Variants in UGT2B7 observed in about 807,000 individuals in gnomAD.
UGT2B7 encodes UDP-glucuronosyltransferase 2B7.
Under a neutral mutation model 51.9 loss-of-function variants are expected in UGT2B7, and 51 were observed. The observed-to-expected ratio is 0.98, with a 90% CI of 0.78 to 1.24. UGT2B7 has a LOEUF of 1.24. Ranked by LOEUF, UGT2B7 falls within the 50% of genes most tolerant of loss-of-function variation. The pLI is 0.00. For missense variants in UGT2B7, 727 were observed against 628.4 expected, an observed-to-expected ratio of 1.16 and a Z score of -1.68; for synonymous variants, 225 against 211.6, an observed-to-expected ratio of 1.06 and a Z score of -0.55.
chr4:69,096,655 G>T lies in UGT2B7; in HGVS notation c.135G>T (p.Glu45Asp), dbSNP rs373225477. The change falls in exon 1 of 6, where the codon GAG becomes GAT. Residue 45 changes from glutamate (E) to aspartate (D), a missense_variant. Coordinates refer to ENST00000305231, the MANE Select transcript of UGT2B7 (RefSeq NM_001074.4). The part of the protein sequence containing the change: ...HWMNIKTILD[E>D]LIQRGHEVTV... ...TGAATATAAAGACAATCCTGGATGA[G>T]CTTATTCAGAGAGGTCATGAGGTGA... 1.1e-5 allele frequency: 18 copies of T among 1,614,004 alleles called. No individual in the cohort carries two copies. The highest frequency in any genetic ancestry group is 1.4e-5 in the Non-Finnish European group (17 of 1,179,918).
At chr4:69,108,498 C>T (rs554310548) in intron 5 of UGT2B7, among the ~76,000 whole-genome samples, 176 bp downstream of exon 5, 1 of 151,628 alleles carries the variant, frequency 6.6e-6, no homozygotes, top group African/African-American at 2.4e-5. Flanking sequence ...ATTTGAAACA[C>T]ATACATCTAA....
chr4:69,111,812 A>G (rs529089489), intron 5 of UGT2B7, among the ~76,000 whole-genome samples: 64 of 152,344 alleles, frequency 4.2e-4, no homozygotes, highest in African/African-American at 1.5e-3. Context: ...AATATTTCTC[A>G]ATGAGAGAAG....
chr4:69,100,240 T>C, intron 2 of UGT2B7, among the ~76,000 whole-genome samples: 1 of 152,022 alleles, frequency 6.6e-6, no homozygotes, highest in South Asian at 2.1e-4. Flanking sequence ...GAACAATGCA[T>C]GTATAATAAA....
At chr4:69,111,192 T>G (rs533301361) in intron 5 of UGT2B7, among the ~76,000 whole-genome samples, 4 of 152,194 alleles carry the variant, frequency 2.6e-5, no homozygotes, top group African/African-American at 9.6e-5. Flanking sequence ...TAGAAGACAG[T>G]GTGCAGGGGA....
intron 2 of UGT2B7, among the ~76,000 whole-genome samples, chr4:69,091,397 T>TG (rs1379496375): frequency 4.8e-5 from 7 of 145,650 alleles, no homozygotes; most frequent in South Asian, 2.2e-4. Flanking sequence ...TTAAAGATTT[T>TG]GTTTTTTTTT....
intron 2 of UGT2B7, among the ~76,000 whole-genome samples, chr4:69,090,154 T>C (rs1433555118): frequency 6.6e-6 from 1 of 152,186 alleles, no homozygotes; most frequent in East Asian, 1.9e-4. Flanking sequence ...TAGTAGTCAG[T>C]TAATTTTAAC....
At chr4:69,104,477 T>TA (rs1271498682) in intron 3 of UGT2B7, among the ~76,000 whole-genome samples, 4 of 151,818 alleles carry the variant, frequency 2.6e-5, no homozygotes, top group African/African-American at 4.8e-5. Flanking sequence ...TATGACAAAT[T>TA]AAAAAAAAGA....
chr4:69,112,364 C>G, intron 5 of UGT2B7, 93 bp from the exon 6 acceptor site: 4 of 1,487,448 alleles, frequency 2.7e-6, no homozygotes, highest in Non-Finnish European at 3.6e-6. Flanking sequence ...ATGCTCCCAG[C>G]CGAATAAAAC....
chr4:69,106,152 T>C (rs1719592438), intron 3 of UGT2B7, among the ~76,000 whole-genome samples: 1 of 152,164 alleles, frequency 6.6e-6, no homozygotes, highest in Non-Finnish European at 1.5e-5. Flanking sequence ...TGTAGTTTTT[T>C]TACATAGGTA....
At chr4:69,070,862 T>C (rs1718586184) in intron 1 of UGT2B7, among the ~76,000 whole-genome samples, 1 of 152,094 alleles carries the variant, frequency 6.6e-6, no homozygotes. Context: ...GCGTGGCGTT[T>C]AGGCAAGTTC....
At chr4:69,064,060 GAA>G (rs1188890895) in intron 1 of UGT2B7, among the ~76,000 whole-genome samples, 17 of 100,052 alleles carry the variant, frequency 1.7e-4, no homozygotes, top group African/African-American at 8.1e-4. Flanking sequence ...AAGAAAGAAA[GAA>G]AGAAAGAAAG....
chr4:69,087,183 T>C (rs1026031280), intron 1 of UGT2B7, among the ~76,000 whole-genome samples: 3 of 151,884 alleles, frequency 2.0e-5, no homozygotes, highest in African/African-American at 7.2e-5. Flanking sequence ...TCTAGTAATA[T>C]GTTTTGATTC....
chr4:69,081,877 G>A (rs1365205042), intron 1 of UGT2B7, among the ~76,000 whole-genome samples: 1 of 151,852 alleles, frequency 6.6e-6, no homozygotes, highest in Non-Finnish European at 1.5e-5. Flanking sequence ...CACATATTTA[G>A]GTTTTTTTGT....
At position 69,108,148 on chromosome 4, in the gene UGT2B7, G is replaced by A. The variant is rs771987274; in HGVS notation, c.1136G>A (p.Gly379Asp). Residue 379 changes from glycine (G) to aspartate (D), a missense_variant, in exon 5 of 6, where the codon GGC (glycine) becomes GAC (aspartate). Transcript: ENST00000305231. Reference sequence around the variant, plus strand: ...TTTATAACTCATGGTGGAGCCAATGGCATCTACGAGGCAATCTACCATGGG... The same window carrying A: ...TTTATAACTCATGGTGGAGCCAATGACATCTACGAGGCAATCTACCATGGG... ...RAFITHGGAN[G>D]IYEAIYHGIP... 43 of 1,613,460 alleles carry A rather than the reference G, an allele frequency of 2.7e-5. No homozygotes were observed. The highest frequency in any genetic ancestry group is 5.9e-6 in the Non-Finnish European group (7 of 1,179,634).
chr4:69,096,485 A>G lies in UGT2B7; in HGVS notation c.-36A>G. 1 of 1,611,148 alleles carries G rather than the reference A, an allele frequency of 6.2e-7. No homozygotes were observed. Among genetic ancestry groups the G allele is most frequent in the Non-Finnish European group, 8.5e-7 (1 of 1,179,108 alleles). On this transcript the variant is annotated 5_prime_UTR_variant, in exon 1 of 6. Coordinates refer to ENST00000305231, the MANE Select transcript of UGT2B7 (RefSeq NM_001074.4). ...TAACCATGAGAAATGACAGAAAGGA[A>G]CAGCAACTGGAAAACAAGCATTGCA...
chr4:69,067,142 A>C (rs147235633), intron 1 of UGT2B7, among the ~76,000 whole-genome samples: 1 of 152,138 alleles, frequency 6.6e-6, no homozygotes, highest in Admixed American at 6.6e-5. Flanking sequence ...AGTGTTCTCT[A>C]TTTGTCCACA....
upstream of UGT2B7, among the ~76,000 whole-genome samples, chr4:69,094,301 G>T (rs1313154616): frequency 2.2e-4 from 19 of 85,252 alleles, 5 homozygotes; most frequent in Non-Finnish European, 3.9e-4. Flanking sequence ...TACCACGCCC[G>T]GCTAATTTTT....
chr4:69,056,603 C>T (rs999383213), intron 1 of UGT2B7, among the ~76,000 whole-genome samples: 4 of 152,084 alleles, frequency 2.6e-5, no homozygotes, highest in Non-Finnish European at 4.4e-5. Context: ...AAAATTAGTT[C>T]CCAGCAATAG....
chr4:69,067,117 A>G (rs1366462783), intron 1 of UGT2B7, among the ~76,000 whole-genome samples: 3 of 152,088 alleles, frequency 2.0e-5, no homozygotes, highest in East Asian at 3.9e-4. Context: ...GTGACACACA[A>G]CTATCTTTAT....
Sources: allele counts gnomAD v4.1 joint callset (sites outside exome capture counted in the v4.1 genomes callset), GRCh38; gene constraint gnomAD v4.1.1; transcripts MANE v1.5; gene names NCBI Gene and HGNC (gene_info 2026-07-23, HGNC 2026-07-21).